IGSF6: variants seen among roughly 807,000 people sequenced by gnomAD.
The protein encoded by IGSF6 is immunoglobulin superfamily member 6, also known as down-regulated by activation (immunoglobulin superfamily).
Under a neutral mutation model 24.7 loss-of-function variants are expected in IGSF6, and 23 were observed. That is an observed-to-expected ratio of 0.93 (90% CI 0.67 to 1.32). The LOEUF is 1.32. IGSF6 is among the 40% of genes most tolerant of loss of function. The probability of loss-of-function intolerance (pLI) is 0.00; values close to 1 mark genes in which losing one functional copy is unlikely to be tolerated. For missense variants in IGSF6, 295 were observed against 293.6 expected (o/e 1.00, Z -0.04); for synonymous variants, 110 against 113.7 (o/e 0.97, Z 0.21).
chr16:21,640,013 A>C lies in IGSF6; in HGVS notation c.*1521T>G, dbSNP rs887021130. The C allele has an allele frequency of 1.3e-5, 2 of 152,060 alleles. No homozygotes were observed. The highest frequency in any genetic ancestry group is 4.8e-5 in the African/African-American group (2 of 41,378). 9.4% of individuals were successfully genotyped at this position (152,060 alleles called of 1,614,324 possible). A position where few individuals can be genotyped will look rare whatever the true frequency, so the allele number is the denominator to read the frequency against. On this transcript the variant is annotated 3_prime_UTR_variant, in exon 6 of 6. Transcript: ENST00000268389. ...GGGTGCAGTGGCGTGATCTCAGCTC[A>C]CTGCAACCTCCGCATCCTGGGTTCA...
Position 21,641,386 on chromosome 16 carries a change from T to G in IGSF6, c.*148A>C, listed in dbSNP as rs1966262883. ...TTGGTAATGACTATTAGTTATAGTTTCCTTACATTCTGACATCCTTCTTTG... is the reference window on the plus strand; with the variant it reads ...TTGGTAATGACTATTAGTTATAGTTGCCTTACATTCTGACATCCTTCTTTG... On this transcript the variant is annotated 3_prime_UTR_variant, in exon 6 of 6. Coordinates refer to ENST00000268389, the MANE Select transcript of IGSF6 (RefSeq NM_005849.4). The G allele has an allele frequency of 2.1e-6, 1 of 475,180 alleles. No individual in the cohort carries two copies. The highest frequency in any genetic ancestry group is 3.8e-6 in the Non-Finnish European group (1 of 264,458). 29.4% of individuals were successfully genotyped at this position (475,180 alleles called of 1,614,324 possible).
At chr16:21,649,298 C>T (rs192692678) in intron 1 of IGSF6, among the ~76,000 whole-genome samples, 4 of 152,264 alleles carry the variant, frequency 2.6e-5, no homozygotes, top group Non-Finnish European at 4.4e-5. Flanking sequence ...TTGCTCTCTT[C>T]TCATCATGTT....
chr16:21,651,849 A>G (rs993319586), intron 1 of IGSF6: 3 of 152,092 alleles, frequency 2.0e-5, no homozygotes, highest in African/African-American at 4.8e-5. Flanking sequence ...AAAGTAATAT[A>G]TACTTATTAG....
intron 2 of IGSF6, 150 bp downstream of exon 2, chr16:21,646,983 A>G (rs1966444849): frequency 9.5e-7 from 1 of 1,048,278 alleles, no homozygotes; most frequent in African/African-American, 1.6e-5. Context: ...TCCAAACCTC[A>G]TGGTGACTTG....
At chr16:21,649,127 G>C (rs1966503412) in intron 1 of IGSF6, among the ~76,000 whole-genome samples, 1 of 152,054 alleles carries the variant, frequency 6.6e-6, no homozygotes, top group Non-Finnish European at 1.5e-5. Context: ...AAAGTAGCTG[G>C]GACTGTAGGC....
intron 3 of IGSF6, among the ~76,000 whole-genome samples, chr16:21,644,070 C>G (rs1420495587): frequency 6.6e-6 from 1 of 152,098 alleles, no homozygotes; most frequent in East Asian, 1.9e-4. Flanking sequence ...AAAGAGAAAA[C>G]AGCAAACTAT....
intron 2 of IGSF6, among the ~76,000 whole-genome samples, chr16:21,645,884 T>C (rs1966412050): frequency 6.6e-6 from 1 of 152,208 alleles, no homozygotes; most frequent in Non-Finnish European, 1.5e-5. Context: ...AGCTGACAGA[T>C]GAGAATAAAC....
At position 21,652,578 on chromosome 16, in the gene IGSF6, G is replaced by T. The variant is rs1208595858; in HGVS notation, c.21C>A (p.Ser7Arg). The change falls in exon 1 of 6, where the codon AGC (serine) becomes AGA (arginine). Residue 7 changes from serine to arginine, a missense_variant. Coordinates refer to ENST00000268389, the MANE Select transcript of IGSF6 (RefSeq NM_005849.4). ...TGGTTTGCAGATGGCGAGCGATGTT[G>T]CTTCTGCTCGCAGTCCCCATTTCTG... is the stretch of plus-strand genomic sequence containing the variant. MGTASRSNIARHLQTNL... is the reference protein window; with the variant it reads MGTASRRNIARHLQTNL... 1 of 1,610,566 alleles carries T rather than the reference G, an allele frequency of 6.2e-7. No homozygotes were observed. The highest frequency in any genetic ancestry group is 8.5e-7 in the Non-Finnish European group (1 of 1,178,352).
chr16:21,649,344 G>C (rs777916002), intron 1 of IGSF6, among the ~76,000 whole-genome samples: 12 of 152,086 alleles, frequency 7.9e-5, no homozygotes, highest in Non-Finnish European at 1.6e-4. Flanking sequence ...GATGAGCTGG[G>C]AGCTCTGTGG....
At chr16:21,641,929 C>T (rs573916596) in intron 5 of IGSF6, 1 of 180,912 alleles carries the variant, frequency 5.5e-6, no homozygotes, top group Admixed American at 6.1e-5. Flanking sequence ...TGTAATTACT[C>T]AGCATGGCAT....
At position 21,647,434 on chromosome 16, in the gene IGSF6, G is replaced by T; in HGVS notation, c.126C>A (p.Tyr42Ter). The part of the protein sequence containing the change: ...VTQPWYLEVD[Y>*]THEAVTIKCT... The stretch of plus-strand genomic sequence containing the variant: ...ACTTTATGGTGACGGCCTCATGAGT[G>T]TAGTCCACTTCTAGGTACCACGGTT... Residue 42 changes from tyrosine to a stop codon, truncating the protein, a stop_gained, in exon 2 of 6, where the codon TAC becomes TAA. Transcript: ENST00000268389. LOFTEE classifies it high-confidence loss of function. 6.2e-7 allele frequency: 1 copy of T among 1,614,070 alleles called. No individual in the cohort carries two copies. Among genetic ancestry groups the T allele is most frequent in the Non-Finnish European group, 8.5e-7 (1 of 1,180,000 alleles).
intron 4 of IGSF6, 144 bp from the exon 5 acceptor site, chr16:21,643,298 C>G (rs1000953483): frequency 6.1e-6 from 4 of 659,792 alleles, no homozygotes; most frequent in Admixed American, 5.5e-5. Context: ...ACAGTTAACT[C>G]TTTTGTATTT....
chr16:21,647,443 T>C lies in IGSF6; in HGVS notation c.117A>G (p.Glu39=), dbSNP rs749563320. The part of the protein sequence containing the change: ...TLSVTQPWYL[E]VDYTHEAVTI... ...TGACGGCCTCATGAGTGTAGTCCAC[T>C]TCTAGGTACCACGGTTGTGTGACAG... is the stretch of plus-strand genomic sequence containing the variant. Residue 39 remains glutamate (E), a synonymous_variant, in exon 2 of 6, where the codon GAA becomes GAG. Coordinates refer to ENST00000268389, the MANE Select transcript of IGSF6 (RefSeq NM_005849.4). 5.0e-6 allele frequency: 8 copies of C among 1,614,026 alleles called. No individual in the cohort carries two copies. The highest frequency in any genetic ancestry group is 5.1e-6 in the Non-Finnish European group (6 of 1,179,990).
intron 1 of IGSF6, among the ~76,000 whole-genome samples, chr16:21,651,693 A>G (rs1429545197): frequency 2.0e-5 from 3 of 152,056 alleles, no homozygotes; most frequent in Admixed American, 6.6e-5. Context: ...CTTCGACCCA[A>G]TCTTGTTTCT....
Position 21,644,371 on chromosome 16 carries a change from C to T in IGSF6, c.453G>A (p.Leu151=), listed in dbSNP as rs754182453. 1 of 1,613,758 alleles carries T rather than the reference C, an allele frequency of 6.2e-7. No individual in the cohort carries two copies. The highest frequency in any genetic ancestry group is 2.2e-5 in the East Asian group (1 of 44,878). ...VREIKLLSKE[L]RSFLTALVSL... ...ATACAAGAGCTGTCAGGAAGCTCCG[C>T]AGTTCCTTGCTGAGCAGCTTAATTT... Residue 151 remains leucine (L), a synonymous_variant, in exon 3 of 6, where the codon CTG becomes CTA. Coordinates refer to ENST00000268389, the MANE Select transcript of IGSF6 (RefSeq NM_005849.4).
chr16:21,645,173 CTGAG>C (rs1966390688), intron 2 of IGSF6, among the ~76,000 whole-genome samples: 1 of 152,180 alleles, frequency 6.6e-6, no homozygotes, highest in South Asian at 2.1e-4. Context: ...ATAGATGAGA[CTGAG>C]TGTGATGGCT....
At position 21,639,629 on chromosome 16, in the gene IGSF6, T is replaced by A. The variant is rs1466394730; in HGVS notation, c.*1905A>T. 1 of 152,230 alleles carries A rather than the reference T, an allele frequency of 6.6e-6. No homozygotes were observed. Among genetic ancestry groups the A allele is most frequent in the Non-Finnish European group, 1.5e-5 (1 of 68,040 alleles). 9.4% of individuals were successfully genotyped at this position (152,230 alleles called of 1,614,324 possible). ...TATGCCATTGTTTAATTTGTTTTTG[T>A]GTATAAGGTACAAAGGTACATTTTC... On this transcript the variant is annotated 3_prime_UTR_variant, in exon 6 of 6. Coordinates refer to ENST00000268389, the MANE Select transcript of IGSF6 (RefSeq NM_005849.4).
intron 2 of IGSF6, among the ~76,000 whole-genome samples, chr16:21,644,910 C>G (rs1966385604): frequency 6.6e-6 from 1 of 152,240 alleles, no homozygotes; most frequent in African/African-American, 2.4e-5. Context: ...GAGCGCAGTG[C>G]TCACTGCGTG....
In IGSF6 at chr16:21,643,566, T is replaced by C; in HGVS notation, c.567A>G (p.Ile189Met). 6.2e-7 allele frequency: 1 copy of C among 1,607,262 alleles called. No homozygotes were observed. The highest frequency in any genetic ancestry group is 8.5e-7 in the Non-Finnish European group (1 of 1,174,976). Residue 189 changes from isoleucine to methionine, a missense_variant, in exon 4 of 6, where the codon ATA becomes ATG. By Grantham distance (10) the Ile-to-Met change is conservative. Coordinates refer to ENST00000268389, the MANE Select transcript of IGSF6 (RefSeq NM_005849.4). Reference sequence around the variant, plus strand: ...TCTGTACCTTTTGTGAGTCTTCTTTTATTTCTTTGTTTCTTAGAGGGTTGG... The same window carrying C: ...TCTGTACCTTTTGTGAGTCTTCTTTCATTTCTTTGTTTCTTAGAGGGTTGG... The part of the protein sequence containing the change: ...SKSNPLRNKE[I>M]KEDSQKKKSA...
Sources: gnomAD v4.1 joint callset for allele counts (sites outside exome capture counted in the v4.1 genomes callset) on GRCh38, gnomAD v4.1.1 for gene constraint, MANE v1.5 for transcripts, NCBI Gene and HGNC (gene_info 2026-07-23, HGNC 2026-07-21) for gene names.